Variants in ZNF638 observed in about 807,000 individuals in gnomAD.
ZNF638 encodes zinc finger protein 638, also known as CTCL tumor antigen se33-1.
Under a neutral mutation model 195.6 loss-of-function variants are expected in ZNF638, and 46 were observed. That is an observed-to-expected ratio of 0.24 (90% CI 0.19 to 0.30). The LOEUF (loss-of-function observed/expected upper bound fraction) is 0.30, where lower values mean the gene tolerates loss of function less well. Ranked by LOEUF, ZNF638 falls within the 10% of genes least tolerant of loss-of-function variation. ZNF638 has a pLI of 1.00. For missense variants in ZNF638, 2,440 were observed against 2,325.3 expected (o/e 1.05, Z -1.01); for synonymous variants, 845 against 772.0 (o/e 1.09, Z -1.57).
intron 1 of ZNF638, among the ~76,000 whole-genome samples, chr2:71,337,661 C>G (rs898372327): frequency 6.6e-6 from 1 of 152,218 alleles, no homozygotes; most frequent in African/African-American, 2.4e-5. Flanking sequence ...CTGTCTCGGC[C>G]TCCCAAAGTA....
At chr2:71,400,373 T>A in intron 14 of ZNF638, 105 bp from the exon 15 acceptor site, 2 of 1,173,930 alleles carry the variant, frequency 1.7e-6, no homozygotes, top group Non-Finnish European at 2.4e-6. Flanking sequence ...TCTCTAGACT[T>A]GTTGTATTAC....
At chr2:71,382,725 A>G (rs2079555197) in intron 10 of ZNF638, among the ~76,000 whole-genome samples, 2 of 152,232 alleles carry the variant, frequency 1.3e-5, no homozygotes, top group Admixed American at 6.5e-5. Flanking sequence ...GACAAATATT[A>G]AATATAAAAT....
chr2:71,422,298 CA>C (rs931804230), intron 21 of ZNF638, among the ~76,000 whole-genome samples: 134 of 146,188 alleles, frequency 9.2e-4, no homozygotes, highest in Middle Eastern at 3.6e-3. Flanking sequence ...ATTTTACATC[CA>C]AAAAAAAAAT....
At position 71,422,796 on chromosome 2, in the gene ZNF638, G is replaced by T. The variant is rs879062428; in HGVS notation, c.3300-18G>T. The T allele has an allele frequency of 6.3e-7, 1 of 1,583,008 alleles. No individual in the cohort carries two copies. Among genetic ancestry groups the T allele is most frequent in the Admixed American group, 1.9e-5 (1 of 52,726 alleles). On this transcript the variant is annotated intron_variant, in intron 21 of 27. Coordinates refer to ENST00000264447, the MANE Select transcript of ZNF638 (RefSeq NM_014497.5). ...GTTTTTGTTTGTGTTCTTTTTGTTT[G>T]TTTTTAAATACTTTTAGCCCTGGCT...
At chr2:71,342,189 C>A (rs1323300406) in intron 1 of ZNF638, among the ~76,000 whole-genome samples, 9 of 137,326 alleles carry the variant, frequency 6.6e-5, no homozygotes, top group African/African-American at 2.5e-4. Context: ...TCACTGCACT[C>A]CAGCCTGGGT....
intron 4 of ZNF638, among the ~76,000 whole-genome samples, 196 bp from the exon 5 acceptor site, chr2:71,363,758 C>T (rs1290442420): frequency 6.6e-6 from 1 of 152,196 alleles, no homozygotes; most frequent in Non-Finnish European, 1.5e-5. Context: ...GGCTGATAAA[C>T]TGTTCTGATT....
At chr2:71,362,919 C>A (rs571580036) in intron 3 of ZNF638, among the ~76,000 whole-genome samples, 9 of 152,266 alleles carry the variant, frequency 5.9e-5, no homozygotes, top group African/African-American at 2.2e-4. Context: ...CACTTCTGTG[C>A]ATATGCTGGC....
At chr2:71,408,805 T>TGTC (rs2080155419) in intron 20 of ZNF638, 1 of 381,456 alleles carries the variant, frequency 2.6e-6, no homozygotes, top group South Asian at 2.1e-5. Flanking sequence ...TTATATGTGG[T>TGTC]GTCCTTGTGT....
At position 71,422,856 on chromosome 2, in the gene ZNF638, A is replaced by C. The variant is rs1409908181; in HGVS notation, c.3342A>C (p.Gln1114His). 3 of 1,613,890 alleles carry C rather than the reference A, an allele frequency of 1.9e-6. No homozygotes were observed. Among genetic ancestry groups the C allele is most frequent in the Admixed American group, 3.3e-5 (2 of 59,988 alleles). ...KNSPIDESEV[Q>H]TATDSPSVKP... ...GTCCAATTGATGAAAGTGAGGTGCA[A>C]ACAGCAACTGATAGTCCCTCTGTTA... Residue 1114 changes from glutamine (Q) to histidine (H), a missense_variant, in exon 22 of 28, where the codon CAA becomes CAC. This residue lies in a region of ZNF638 where 1,883 missense variants were observed against 1,739.1 expected (regional missense o/e 1.08). Coordinates refer to ENST00000264447, the MANE Select transcript of ZNF638 (RefSeq NM_014497.5).
In ZNF638 at chr2:71,421,364, T is replaced by TA. The variant is rs1558882253; in HGVS notation, c.3300-1450_3300-1449insA. 7.8e-4 allele frequency among the ~76,000 whole-genome samples: 112 copies of TA among 144,478 alleles called. No homozygotes were observed. The East Asian group carries it at 0.026, about 33-fold the overall frequency. 94.8% of individuals were successfully genotyped at this position (144,478 alleles called of 152,430 possible). ...TTTGAAAAAAAGGGGTGTGATTATT[T>TA]TAAAAAAAAAACATTTTAGCATGCA... is the stretch of plus-strand genomic sequence containing the variant. On this transcript the variant is annotated intron_variant, in intron 21 of 27. Coordinates refer to ENST00000264447, the MANE Select transcript of ZNF638 (RefSeq NM_014497.5).
chr2:71,393,749 G>A (rs1293119751), intron 10 of ZNF638: 8 of 641,426 alleles, frequency 1.2e-5, no homozygotes, highest in South Asian at 9.0e-5. Context: ...CCTTTCTTAC[G>A]CCCTGTTACC....
intron 10 of ZNF638, among the ~76,000 whole-genome samples, chr2:71,382,217 C>G (rs931102689): frequency 6.6e-6 from 1 of 152,100 alleles, no homozygotes; most frequent in East Asian, 1.9e-4. Flanking sequence ...TAGATTTCAA[C>G]ATTACCAAGT....
At chr2:71,342,591 A>T (rs779209722) in intron 1 of ZNF638, among the ~76,000 whole-genome samples, 2 of 152,220 alleles carry the variant, frequency 1.3e-5, no homozygotes, top group Non-Finnish European at 2.9e-5. Context: ...TGGGATGATG[A>T]TGGTGGTGAG....
intron 7 of ZNF638, among the ~76,000 whole-genome samples, chr2:71,368,763 C>T (rs1253550578): frequency 6.6e-6 from 1 of 152,182 alleles, no homozygotes; most frequent in African/African-American, 2.4e-5. Flanking sequence ...GTTTTATAAG[C>T]CATCTGTAGG....
intron 16 of ZNF638, 148 bp downstream of exon 16, chr2:71,402,235 A>T: frequency 2.6e-6 from 2 of 768,480 alleles, no homozygotes; most frequent in Middle Eastern, 8.4e-4. Context: ...TAAAACACAG[A>T]TATCCTGTAT....
At position 71,434,617 on chromosome 2, in the gene ZNF638, G is replaced by T. The variant is rs926401964; in HGVS notation, c.5872-125G>T. The stretch of plus-strand genomic sequence containing the variant: ...TGAAAGGAAGAAATGGTTATATAAG[G>T]CACTGTGTTTATAATATTTTGTAGG... On this transcript the variant is annotated intron_variant, in intron 27 of 27. Transcript: ENST00000264447. The T allele has an allele frequency of 1.7e-4, 130 of 748,420 alleles. 2 individuals are homozygous for T. The Admixed American group carries it at 3.6e-3, about 21-fold the overall frequency. 46.4% of individuals were successfully genotyped at this position (748,420 alleles called of 1,614,324 possible). A position where few individuals can be genotyped will look rare whatever the true frequency, so the allele number is the denominator to read the frequency against.
At chr2:71,394,068 A>G (rs929538806) in intron 10 of ZNF638, among the ~76,000 whole-genome samples, 12 of 152,204 alleles carry the variant, frequency 7.9e-5, no homozygotes, top group Non-Finnish European at 1.6e-4. Flanking sequence ...CAGGAAAGTA[A>G]TGGATTCCAC....
At chr2:71,369,041 ATAGT>A (rs34094054) in intron 7 of ZNF638, among the ~76,000 whole-genome samples, 20,280 of 152,146 alleles carry the variant, frequency 0.13, 1,472 homozygotes, top group African/African-American at 0.15. Context: ...ACAACATAAA[ATAGT>A]TAGTTAAGGC....
intron 20 of ZNF638, among the ~76,000 whole-genome samples, chr2:71,409,607 T>A (rs1370369582): frequency 6.6e-6 from 1 of 152,196 alleles, no homozygotes; most frequent in Non-Finnish European, 1.5e-5. Flanking sequence ...GGCGCCACAT[T>A]TTCATTTTCA....
Sources: allele counts gnomAD v4.1 joint callset (sites outside exome capture counted in the v4.1 genomes callset), GRCh38; gene constraint gnomAD v4.1.1; regional missense constraint gnomAD v4.1.1; transcripts MANE v1.5; gene names NCBI Gene and HGNC (gene_info 2026-07-23, HGNC 2026-07-21).